ELN: variants seen among roughly 807,000 people sequenced by gnomAD.
ELN encodes the protein elastin, also known as tropoelastin.
Under a neutral mutation model 105.8 loss-of-function variants are expected in ELN, and 65 were observed. The ratio of observed to expected loss-of-function variants is 0.61; its 90% CI spans 0.50 to 0.75. The LOEUF is 0.75. Among genes scored for constraint, ELN ranks in the 30% least tolerant of loss-of-function variants. ELN has a pLI of 0.00. For missense variants in ELN, 882 were observed against 969.4 expected, an observed-to-expected ratio of 0.91 and a Z score of 1.20; for synonymous variants, 368 against 389.2, an observed-to-expected ratio of 0.95 and a Z score of 0.64.
chr7:74,045,940 C>A (rs376709942), intron 10 of ELN: 6 of 536,726 alleles, frequency 1.1e-5, no homozygotes, highest in Non-Finnish European at 1.7e-5. Context: ...GAGGCTGAGG[C>A]GGGAGAATCG....
Position 74,063,452 on chromosome 7 carries a change from G to T in ELN, c.1918+83G>T. 6.4e-7 allele frequency: 1 copy of T among 1,569,094 alleles called. No individual in the cohort carries two copies. The highest frequency in any genetic ancestry group is 1.1e-5 in the South Asian group (1 of 87,130). On this transcript the variant is annotated intron_variant, in intron 28 of 32. Coordinates refer to ENST00000252034, the MANE Select transcript of ELN (RefSeq NM_000501.4). The surrounding 1 kb of genome is among the most constrained non-coding windows in gnomAD (Gnocchi z 4.1). ...GAGGAGCTTCTGACCAGGCACTGTA[G>T]ACTCAGAGTCCCTGCCCCAGACACC...
rs139941359 is a variant in ELN at position 74,040,872 on chromosome 7, C to T, written c.197-344C>T. Among the ~76,000 whole-genome samples the T allele has an allele frequency of 3.8e-3, 574 of 152,248 alleles. 2 individuals are homozygous for T. Among genetic ancestry groups the T allele is most frequent in the African/African-American group, 0.013 (540 of 41,530 alleles). ...ATCTGCAAGGAAGCAGAAGAGAGAC[C>T]TCACTGGCCTGGGGTGAGGTCTCGC... On this transcript the variant is annotated intron_variant, in intron 4 of 32. Coordinates refer to ENST00000252034, the MANE Select transcript of ELN (RefSeq NM_000501.4).
intron 10 of ELN, 130 bp downstream of exon 10, chr7:74,045,423 C>G: frequency 9.9e-7 from 1 of 1,011,206 alleles, no homozygotes; most frequent in South Asian, 1.4e-5. Flanking sequence ...TGTTCCAGCC[C>G]TGGGCAGCCT....
intron 1 of ELN, among the ~76,000 whole-genome samples, chr7:74,034,112 C>T (rs977227680): frequency 3.9e-5 from 6 of 152,216 alleles, no homozygotes; most frequent in African/African-American, 1.2e-4. Context: ...GCGGCCCCGG[C>T]GCCTCCTAAG....
intron 3 of ELN, among the ~76,000 whole-genome samples, chr7:74,037,123 T>A (rs1201579371): frequency 6.6e-6 from 1 of 151,604 alleles, no homozygotes; most frequent in Admixed American, 6.6e-5. Context: ...GCCCGGCCCC[T>A]TGCCCGGCCC....
rs1797030515 is a variant in ELN at position 74,063,021 on chromosome 7, C to T, written c.1787-132C>T. ...ATCTCAAAATGAAACAAAATATGGA[C>T]TGGACTTCCTGTCCACTGCTCCTCC... On this transcript the variant is annotated intron_variant, in intron 26 of 32. Coordinates refer to ENST00000252034, the MANE Select transcript of ELN (RefSeq NM_000501.4). This position sits in a 1 kb window ranked among gnomAD's most constrained non-coding sequence, Gnocchi z 4.1. The T allele has an allele frequency of 8.7e-7, 1 of 1,151,998 alleles. No individual in the cohort carries two copies. The highest frequency in any genetic ancestry group is 2.4e-5 in the Admixed American group (1 of 41,624). The allele number at this position is 1,151,998 out of a possible 1,614,324, so 71.4% of individuals were successfully genotyped here.
intron 2 of ELN, chr7:74,035,648 T>C (rs1034713718): frequency 1.6e-5 from 10 of 609,216 alleles, no homozygotes; most frequent in Non-Finnish European, 2.7e-5. Flanking sequence ...GAAACAAGGA[T>C]TGCTTGAGGC....
chr7:74,067,302 C>G (rs1275517140), intron 32 of ELN, among the ~76,000 whole-genome samples: 1 of 151,608 alleles, frequency 6.6e-6, no homozygotes, highest in Non-Finnish European at 1.5e-5. Flanking sequence ...GAGTCTTGCT[C>G]TGTTGCCCAG....
Position 74,028,902 on chromosome 7 carries a change from G to A in ELN, c.82+633G>A, listed in dbSNP as rs534938694. 2.7e-4 allele frequency among the ~76,000 whole-genome samples: 41 copies of A among 152,146 alleles called. 1 individual carries two copies. The highest frequency in any genetic ancestry group is 6.8e-3 in the Middle Eastern group (2 of 294). ...TGTGTGCATGCACACAGGAATGAGC[G>A]TGCTGTGTGCTCGTGTGTGTATGTG... is the stretch of plus-strand genomic sequence containing the variant. On this transcript the variant is annotated intron_variant, in intron 1 of 32. Transcript: ENST00000252034.
At chr7:74,067,561 C>T (rs761626374) in intron 32 of ELN, among the ~76,000 whole-genome samples, 4 of 151,728 alleles carry the variant, frequency 2.6e-5, no homozygotes, top group Admixed American at 6.6e-5. Context: ...CCACCACGTC[C>T]GGCCGTCTCT....
In ELN at chr7:74,063,389, G is replaced by A; in HGVS notation, c.1918+20G>A. On this transcript the variant is annotated intron_variant, in intron 28 of 32. Transcript: ENST00000252034. The surrounding 1 kb of genome is among the most constrained non-coding windows in gnomAD (Gnocchi z 4.1). ...AGTTTGGTGAGCACTGGGTGGAGGT[G>A]GGAGCTGCCGCCAGGCCCCCAGGCC... The A allele has an allele frequency of 6.5e-7, 1 of 1,544,244 alleles. No homozygotes were observed. The highest frequency in any genetic ancestry group is 8.7e-7 in the Non-Finnish European group (1 of 1,147,442).
chr7:74,047,557 AC>A (rs1792866015), intron 12 of ELN, 117 bp from the exon 13 acceptor site: 2 of 1,409,020 alleles, frequency 1.4e-6, no homozygotes, highest in Non-Finnish European at 1.0e-6. Flanking sequence ...GCAGCTCAGG[AC>A]CCTGATGTGG....
At position 74,069,699 on chromosome 7, in the gene ELN, T is replaced by C. The variant is rs1798665214; in HGVS notation, c.*999T>C. 1 of 232,278 alleles carries C rather than the reference T, an allele frequency of 4.3e-6. No individual in the cohort carries two copies. The highest frequency in any genetic ancestry group is 8.5e-6 in the Non-Finnish European group (1 of 117,396). The allele number at this position is 232,278 out of a possible 1,614,324, so 14.4% of individuals were successfully genotyped here. On this transcript the variant is annotated 3_prime_UTR_variant, in exon 33 of 33. Coordinates refer to ENST00000252034, the MANE Select transcript of ELN (RefSeq NM_000501.4). Reference sequence around the variant, plus strand: ...CTGGATATTTGGGGATTATTTTTGATTGTTGATATTCTCTTTTGGTTTTAT... The same window carrying C: ...CTGGATATTTGGGGATTATTTTTGACTGTTGATATTCTCTTTTGGTTTTAT...
chr7:74,043,051 C>T lies in ELN; in HGVS notation c.376+17C>T, dbSNP rs1298971172. On this transcript the variant is annotated intron_variant, in intron 7 of 32. Transcript: ENST00000252034. ...TGTCTGCAGGTACGATGGCTATCCC[C>T]GAACTCCCTGGGTCAAAGTTGCAGG... 6.8e-6 allele frequency: 11 copies of T among 1,614,026 alleles called. No individual in the cohort carries two copies. Among genetic ancestry groups the T allele is most frequent in the South Asian group, 6.6e-5 (6 of 91,084 alleles).
intron 11 of ELN, 79 bp downstream of exon 11, chr7:74,046,296 A>G (rs1467465606): frequency 6.3e-7 from 1 of 1,598,614 alleles, no homozygotes; most frequent in Non-Finnish European, 8.6e-7. Flanking sequence ...GGCACCCAAG[A>G]TCCCATCCAA....
chr7:74,043,975 G>A, intron 9 of ELN, 55 bp downstream of exon 9: 2 of 1,603,684 alleles, frequency 1.2e-6, no homozygotes, highest in South Asian at 1.1e-5. Flanking sequence ...CCAGGACGCA[G>A]TGGCTCATGC....
intron 26 of ELN, among the ~76,000 whole-genome samples, chr7:74,062,594 A>G (rs1313640313): frequency 1.3e-5 from 2 of 152,070 alleles, no homozygotes; most frequent in Non-Finnish European, 2.9e-5. Flanking sequence ...TCTGTCGCCC[A>G]GGCTGGAATG....
intron 15 of ELN, among the ~76,000 whole-genome samples, chr7:74,049,791 T>C (rs1793499097): frequency 6.8e-6 from 1 of 147,946 alleles, no homozygotes; most frequent in Non-Finnish European, 1.5e-5. Flanking sequence ...CACTCATCCA[T>C]CCATTCCTCC....
intron 1 of ELN, among the ~76,000 whole-genome samples, chr7:74,029,393 G>T (rs1329991852): frequency 6.6e-6 from 1 of 152,140 alleles, no homozygotes; most frequent in African/African-American, 2.4e-5. Context: ...GTGCCCTGTG[G>T]GGCTGCTATG....
Sources: gnomAD v4.1 joint callset for allele counts (sites outside exome capture counted in the v4.1 genomes callset) on GRCh38, gnomAD v4.1.1 for gene constraint, Gnocchi (gnomAD v3.1) non-coding constraint, MANE v1.5 for transcripts, NCBI Gene and HGNC (gene_info 2026-07-23, HGNC 2026-07-21) for gene names.